The following FDFT1 variants were observed in gnomAD, a reference collection of about 807,000 sequenced individuals.
FDFT1 encodes the protein farnesyl-diphosphate farnesyltransferase 1.
In FDFT1, 68 loss-of-function variants were observed where a neutral mutation model predicts 46.8. That is an observed-to-expected ratio of 1.45 (90% CI 1.19 to 1.78). FDFT1 has a LOEUF of 1.78. FDFT1 is among the 40% of genes most tolerant of loss of function. The pLI is 0.00. For missense variants in FDFT1, 928 were observed against 524.4 expected, an observed-to-expected ratio of 1.77 and a Z score of -7.52; for synonymous variants, 351 against 185.1, an observed-to-expected ratio of 1.90 and a Z score of -7.28.
intron 5 of FDFT1, among the ~76,000 whole-genome samples, chr8:11,828,315 AAAC>A (rs1810294960): frequency 6.6e-6 from 1 of 152,260 alleles, no homozygotes; most frequent in East Asian, 1.9e-4. Flanking sequence ...AACAACAAAA[AAAC>A]AAAAAACACT....
At chr8:11,812,864 T>G (rs770360665) in intron 3 of FDFT1, among the ~76,000 whole-genome samples, 63 of 152,216 alleles carry the variant, frequency 4.1e-4, no homozygotes, top group Non-Finnish European at 2.5e-4. Flanking sequence ...TCATTGTATG[T>G]TAGGGGTTCG....
chr8:11,802,586 C>T (rs901995786), upstream of FDFT1: 4 of 624,254 alleles, frequency 6.4e-6, no homozygotes, highest in African/African-American at 3.6e-5. Context: ...TGGCCGGGGT[C>T]TTCCTAGTGT....
At chr8:11,816,101 C>T (rs749092336) in intron 3 of FDFT1, among the ~76,000 whole-genome samples, 85 of 152,294 alleles carry the variant, frequency 5.6e-4, no homozygotes, top group Middle Eastern at 3.4e-3. Flanking sequence ...GCCAGGTTTC[C>T]CAGCAGCATT....
At chr8:11,835,258 T>C (rs917590360) in intron 7 of FDFT1, among the ~76,000 whole-genome samples, 7 of 152,194 alleles carry the variant, frequency 4.6e-5, no homozygotes, top group African/African-American at 9.6e-5. Flanking sequence ...TAATTGAGTT[T>C]GCAGAAACCT....
At chr8:11,801,982 C>T (rs1164698723), upstream of FDFT1, 5 of 455,804 alleles carry the variant, frequency 1.1e-5, no homozygotes, top group East Asian at 6.9e-5. Context: ...AGCCACCACG[C>T]CTGGACGGGT....
intron 4 of FDFT1, among the ~76,000 whole-genome samples, chr8:11,824,257 A>G (rs925428041): frequency 1.3e-5 from 2 of 152,164 alleles, no homozygotes; most frequent in Non-Finnish European, 2.9e-5. Context: ...TGGATATTGC[A>G]TTAAGTTGTC....
Position 11,808,789 on chromosome 8 carries a change from C to G in FDFT1, c.100-5C>G, listed in dbSNP as rs570014211. Reference sequence around the variant, plus strand: ...CCCACCGCCGTGTGTGTTGTCTGCCCGCAGGACTCGCTCAGCAGCAGCCTG... The same window carrying G: ...CCCACCGCCGTGTGTGTTGTCTGCCGGCAGGACTCGCTCAGCAGCAGCCTG... On this transcript the variant is annotated splice_polypyrimidine_tract_variant and splice_region_variant and intron_variant, in intron 1 of 7. Coordinates refer to ENST00000220584, the MANE Select transcript of FDFT1 (RefSeq NM_004462.5). 10 of 1,613,590 alleles carry G rather than the reference C, an allele frequency of 6.2e-6. No homozygotes were observed. The East Asian group carries it at 1.8e-4, about 29-fold the overall frequency.
intron 7 of FDFT1, among the ~76,000 whole-genome samples, chr8:11,836,440 G>A (rs569140386): frequency 3.8e-4 from 58 of 152,326 alleles, no homozygotes; most frequent in Non-Finnish European, 6.6e-4. Context: ...TGCCTGGCAC[G>A]TGGGTCCCCA....
At chr8:11,832,053 T>G (rs1810876367) in intron 7 of FDFT1, among the ~76,000 whole-genome samples, 1 of 152,184 alleles carries the variant, frequency 6.6e-6, no homozygotes, top group African/African-American at 2.4e-5. Flanking sequence ...CTCCCGTCCA[T>G]GTGTCCTGAC....
chr8:11,830,155 G>A, intron 5 of FDFT1, 89 bp from the exon 6 acceptor site: 2 of 1,110,168 alleles, frequency 1.8e-6, no homozygotes, highest in East Asian at 2.4e-5. Context: ...CTGTATCATA[G>A]TTCTTATGCA....
chr8:11,827,899 AC>A (rs200131388), intron 5 of FDFT1, among the ~76,000 whole-genome samples: 196 of 145,194 alleles, frequency 1.3e-3, no homozygotes, highest in African/African-American at 3.3e-3. Flanking sequence ...ACAAAACAAA[AC>A]AAAAAAAACA....
intron 1 of FDFT1, chr8:11,808,175 G>T: frequency 1.2e-6 from 1 of 842,848 alleles, no homozygotes; most frequent in Non-Finnish European, 1.5e-6. Context: ...AGACAGATGC[G>T]TTGAGTACAA....
Position 11,803,144 on chromosome 8 carries a change from C to T in FDFT1, c.99+213C>T, listed in dbSNP as rs991630178. The T allele has an allele frequency of 3.3e-5, 47 of 1,427,850 alleles. 1 individual carries two copies. In the South Asian group the frequency reaches 6.0e-4, roughly 18 times the overall value. 88.4% of individuals were successfully genotyped at this position (1,427,850 alleles called of 1,614,324 possible). A position where few individuals can be genotyped will look rare whatever the true frequency, so the allele number is the denominator to read the frequency against. On this transcript the variant is annotated intron_variant, in intron 1 of 7. Transcript: ENST00000220584. ...GACCTGTCCCTGCCCCCGCAAGCCG[C>T]CCTGGGCATGAGCGACTTTTGCGTG... is the stretch of plus-strand genomic sequence containing the variant.
At chr8:11,836,417 G>T (rs60464363) in intron 7 of FDFT1, among the ~76,000 whole-genome samples, 11 of 152,318 alleles carry the variant, frequency 7.2e-5, no homozygotes, top group Middle Eastern at 3.4e-3. Flanking sequence ...GGCTTCTGAC[G>T]AGCTGCAGGA....
At chr8:11,815,981 T>C (rs1388313539) in intron 3 of FDFT1, among the ~76,000 whole-genome samples, 2 of 152,238 alleles carry the variant, frequency 1.3e-5, no homozygotes, top group Non-Finnish European at 1.5e-5. Flanking sequence ...CATTTTCTTC[T>C]AGGGTTTTTA....
chr8:11,807,667 C>T (rs761424955), intron 1 of FDFT1, among the ~76,000 whole-genome samples: 34 of 152,210 alleles, frequency 2.2e-4, no homozygotes, highest in Non-Finnish European at 4.6e-4. Flanking sequence ...GGCTTTTTCT[C>T]CCTTTTGGAA....
intron 3 of FDFT1, 70 bp from the exon 4 acceptor site, chr8:11,821,680 G>A: frequency 1.9e-6 from 3 of 1,546,452 alleles, no homozygotes; most frequent in Non-Finnish European, 2.7e-6. Context: ...GCCATTGTTT[G>A]CCTTGTGATC....
chr8:11,824,588 T>A (rs1032326533), intron 4 of FDFT1, among the ~76,000 whole-genome samples: 1 of 124,280 alleles, frequency 8.0e-6, no homozygotes, highest in Non-Finnish European at 1.9e-5. Context: ...TCACTGTGCC[T>A]GGCTAATTTT....
At chr8:11,797,984 C>T (rs1307611639), upstream of FDFT1, 1 of 152,264 alleles carries the variant, frequency 6.6e-6, no homozygotes, top group African/African-American at 2.4e-5. Flanking sequence ...TATTCTATGC[C>T]AGAAGGCTTG....
Sources: allele counts gnomAD v4.1 joint callset (sites outside exome capture counted in the v4.1 genomes callset), GRCh38; gene constraint gnomAD v4.1.1; transcripts MANE v1.5; gene names NCBI Gene and HGNC (gene_info 2026-07-23, HGNC 2026-07-21).